The following HMGXB4 variants were observed in gnomAD, a reference collection of about 807,000 sequenced individuals.
The protein encoded by HMGXB4 is HMG domain-containing protein 4.
A neutral mutation model predicts 63.9 loss-of-function variants in HMGXB4; 27 were observed. The ratio of observed to expected loss-of-function variants is 0.42; its 90% CI spans 0.31 to 0.58. The LOEUF is 0.58. Ranked by LOEUF, HMGXB4 falls within the 20% of genes least tolerant of loss-of-function variation. HMGXB4 has a pLI of 0.13. For synonymous variants in HMGXB4, 264 were observed against 265.3 expected (o/e 0.99, Z 0.05); for missense variants, 624 against 700.7 (o/e 0.89, Z 1.24).
At chr22:35,262,912 A>G in intron 2 of HMGXB4, 166 bp from the exon 3 acceptor site, 1 of 663,500 alleles carries the variant, frequency 1.5e-6, no homozygotes, top group Non-Finnish European at 2.6e-6. Flanking sequence ...CTAGGTCATC[A>G]AGAAATATTC....
At chr22:35,266,800 T>C (rs1342528923) in intron 5 of HMGXB4, among the ~76,000 whole-genome samples, 3 of 152,048 alleles carry the variant, frequency 2.0e-5, no homozygotes, top group African/African-American at 7.2e-5. Context: ...CTGGGCAACA[T>C]AGCGAAACCC....
At chr22:35,253,132 C>CAAAAAAAAAAAAAAAA (rs554912249), upstream of HMGXB4, among the ~76,000 whole-genome samples, 6 of 96,506 alleles carry the variant, frequency 6.2e-5, no homozygotes, top group Admixed American at 1.1e-4. Flanking sequence ...AACTCCATCT[C>CAAAAAAAAAAAAAAAA]AAAAAAAAAA....
chr22:35,286,908 G>C, intron 7 of HMGXB4: 1 of 152,326 alleles, frequency 6.6e-6, no homozygotes, highest in Non-Finnish European at 1.4e-5. Context: ...TGATATGAAG[G>C]TCATATAGGA....
intron 5 of HMGXB4, among the ~76,000 whole-genome samples, chr22:35,277,279 CCTT>C (rs1427513240): frequency 2.6e-5 from 4 of 152,166 alleles, no homozygotes; most frequent in African/African-American, 9.7e-5. Context: ...GACTGTCATG[CCTT>C]CTTGTCTCAT....
intron 5 of HMGXB4, among the ~76,000 whole-genome samples, chr22:35,272,650 A>G (rs1167574461): frequency 1.3e-5 from 2 of 152,180 alleles, no homozygotes; most frequent in Non-Finnish European, 2.9e-5. Context: ...GTCACTTAAA[A>G]TAATAGCCAG....
intron 1 of HMGXB4, among the ~76,000 whole-genome samples, chr22:35,261,304 CAG>C (rs1922836289): frequency 6.6e-6 from 1 of 151,922 alleles, no homozygotes; most frequent in South Asian, 2.1e-4. Context: ...GGCTCGGTGG[CAG>C]GCGCCTGTAA....
At chr22:35,268,471 G>A (rs780740275) in intron 5 of HMGXB4, among the ~76,000 whole-genome samples, 10 of 150,258 alleles carry the variant, frequency 6.7e-5, no homozygotes, top group South Asian at 4.2e-4. Context: ...TTATTCTACC[G>A]TGCAGTTAAT....
intron 5 of HMGXB4, among the ~76,000 whole-genome samples, chr22:35,276,973 T>A (rs1287388024): frequency 6.6e-6 from 1 of 152,228 alleles, no homozygotes; most frequent in East Asian, 1.9e-4. Context: ...TTGGAAAATG[T>A]ATAAGGAATA....
At position 35,263,803 on chromosome 22, in the gene HMGXB4, A is replaced by G. The variant is rs761585511; in HGVS notation, c.188A>G (p.Glu63Gly). 28 of 1,610,562 alleles carry G rather than the reference A, an allele frequency of 1.7e-5. No homozygotes were observed. The highest frequency in any genetic ancestry group is 2.4e-5 in the Non-Finnish European group (28 of 1,176,810). Residue 63 changes from glutamate (E) to glycine (G), a missense_variant, in exon 4 of 11, where the codon GAA becomes GGA. This residue lies in a region of HMGXB4 where 472 missense variants were observed against 470.6 expected (regional missense o/e 1.00). Coordinates refer to ENST00000216106, the MANE Select transcript of HMGXB4 (RefSeq NM_001003681.3). The stretch of plus-strand genomic sequence containing the variant: ...ATTCTTCTTTAATTATAGGATAGTG[A>G]ACTTTACTTCTTGGGGACGGACACA... ...NSSKKKLKDSELYFLGTDTHK... is the reference protein window; with the variant it reads ...NSSKKKLKDSGLYFLGTDTHK...
Position 35,287,523 on chromosome 22 carries a change from A to G in HMGXB4, c.1468+71A>G, listed in dbSNP as rs1009669755. On this transcript the variant is annotated intron_variant, in intron 8 of 10. Coordinates refer to ENST00000216106, the MANE Select transcript of HMGXB4 (RefSeq NM_001003681.3). ...TTTGCTTCCTTGCTAAGAAACTGGGAAAAAAGCTTGCAGTATTAGAAGTGG... is the reference window on the plus strand; with the variant it reads ...TTTGCTTCCTTGCTAAGAAACTGGGGAAAAAGCTTGCAGTATTAGAAGTGG... 9 of 1,074,102 alleles carry G rather than the reference A, an allele frequency of 8.4e-6. No homozygotes were observed. The Admixed American group carries it at 9.8e-5, about 12-fold the overall frequency. The allele number at this position is 1,074,102 out of a possible 1,614,324, so 66.5% of individuals were successfully genotyped here.
At position 35,278,657 on chromosome 22, in the gene HMGXB4, A is replaced by ATT. The variant is rs11412290; in HGVS notation, c.1216-5297_1216-5296dup. On this transcript the variant is annotated intron_variant, in intron 5 of 10. Transcript: ENST00000216106. ...ATTTTATGTATTTTTTTTTAATATT[A>ATT]TTTTTTTTTAAGATGGGGTCTCACT... is the stretch of plus-strand genomic sequence containing the variant. Among the ~76,000 whole-genome samples the ATT allele has an allele frequency of 4.9e-3, 735 of 148,924 alleles. 8 individuals carry two copies. Among genetic ancestry groups the ATT allele is most frequent in the African/African-American group, 0.017 (704 of 40,594 alleles).
chr22:35,283,483 A>G (rs1924384489), intron 5 of HMGXB4, among the ~76,000 whole-genome samples: 1 of 152,214 alleles, frequency 6.6e-6, no homozygotes. Flanking sequence ...GTGGTAAGTA[A>G]CATGGATTAA....
chr22:35,278,984 C>G (rs923873591), intron 5 of HMGXB4, among the ~76,000 whole-genome samples: 36 of 151,856 alleles, frequency 2.4e-4, no homozygotes, highest in African/African-American at 8.2e-4. Flanking sequence ...GAATTCAAGA[C>G]TGTAGTGAGC....
chr22:35,290,926 C>T (rs999627810), intron 9 of HMGXB4, among the ~76,000 whole-genome samples: 1 of 152,130 alleles, frequency 6.6e-6, no homozygotes, highest in Admixed American at 6.6e-5. Context: ...TAATGTTCAT[C>T]ATTTTAGCAG....
the HMGXB4 span, among the ~76,000 whole-genome samples, chr22:35,242,802 T>C: frequency 1.3e-5 from 2 of 152,310 alleles, no homozygotes; most frequent in Middle Eastern, 6.8e-3. Context: ...GTCCCATAAA[T>C]TTTGATATGT....
At chr22:35,267,346 A>G (rs1025019431) in intron 5 of HMGXB4, among the ~76,000 whole-genome samples, 1 of 152,144 alleles carries the variant, frequency 6.6e-6, no homozygotes, top group African/African-American at 2.4e-5. Flanking sequence ...TGTGTTCTTT[A>G]TAAGATTCTG....
At chr22:35,282,370 G>T (rs967293880) in intron 5 of HMGXB4, among the ~76,000 whole-genome samples, 1 of 152,064 alleles carries the variant, frequency 6.6e-6, no homozygotes, top group Non-Finnish European at 1.5e-5. Context: ...TAGAGACGGG[G>T]TTTCACCGTG....
chr22:35,271,944 T>C (rs781399287), intron 5 of HMGXB4, among the ~76,000 whole-genome samples: 3 of 152,226 alleles, frequency 2.0e-5, no homozygotes, highest in Non-Finnish European at 4.4e-5. Context: ...TGGAGAACTT[T>C]GTCTTTGCAC....
chr22:35,276,988 ATAAT>A (rs1923948798), intron 5 of HMGXB4, among the ~76,000 whole-genome samples: 1 of 152,206 alleles, frequency 6.6e-6, no homozygotes, highest in South Asian at 2.1e-4. Flanking sequence ...GGAATAGAAA[ATAAT>A]TCATATTAGT....
Sources: gnomAD v4.1 joint callset for allele counts (sites outside exome capture counted in the v4.1 genomes callset) on GRCh38, gnomAD v4.1.1 for gene constraint, gnomAD v4.1.1 regional missense constraint, MANE v1.5 for transcripts, NCBI Gene and HGNC (gene_info 2026-07-23, HGNC 2026-07-21) for gene names.